KCTD1: variants seen among roughly 807,000 people sequenced by gnomAD.
KCTD1 encodes the protein BTB/POZ domain-containing protein KCTD1.
A neutral mutation model predicts 66.0 loss-of-function variants in KCTD1; 24 were observed. The ratio of observed to expected loss-of-function variants is 0.36; its 90% CI spans 0.26 to 0.51. KCTD1 has a LOEUF of 0.51. Ranked by LOEUF, KCTD1 falls within the 20% of genes least tolerant of loss-of-function variation. KCTD1 has a pLI of 0.95. For synonymous variants in KCTD1, 511 were observed against 517.2 expected (o/e 0.99, Z 0.16); for missense variants, 943 against 1,205.2 (o/e 0.78, Z 3.22).
At chr18:26,549,710 A>G (rs570230302), upstream of KCTD1, 1 of 985,186 alleles carries the variant, frequency 1.0e-6, no homozygotes, top group Non-Finnish European at 1.2e-6. Context: ...GGCAATTCGG[A>G]TCCGGAGCGC....
upstream of KCTD1, chr18:26,548,755 A>C: frequency 1.8e-6 from 2 of 1,107,008 alleles, no homozygotes; most frequent in Non-Finnish European, 2.2e-6. Context: ...TAGACCGGAG[A>C]GATAGGGTAA....
chr18:26,476,547 T>C lies in KCTD1; in HGVS notation c.2101A>G (p.Thr701Ala), dbSNP rs763827498. The C allele has an allele frequency of 6.2e-7, 1 of 1,613,502 alleles. No individual in the cohort carries two copies. The highest frequency in any genetic ancestry group is 2.2e-5 in the East Asian group (1 of 44,864). Residue 701 changes from threonine to alanine, a missense_variant, in exon 3 of 5, where the codon ACA becomes GCA. Thr to Ala is a moderately conservative substitution (Grantham distance 58). Around this residue, in one of 10 missense-constraint regions of KCTD1, gnomAD observed 162 missense variants for 232.4 expected, o/e 0.70. Transcript: ENST00000580059. The surrounding 1 kb of genome is among the most constrained non-coding windows in gnomAD (Gnocchi z 4.9). ...MFRYILNFLRTSKLLIPDDFK... is the reference protein window; with the variant it reads ...MFRYILNFLRASKLLIPDDFK... ...TCATCAGGAATGAGGAGTTTGGATGTTCGTAGAAAATTCAAGATATATCTG... is the reference window on the plus strand; with the variant it reads ...TCATCAGGAATGAGGAGTTTGGATGCTCGTAGAAAATTCAAGATATATCTG...
chr18:26,539,249 C>T (rs1237923286), intron 1 of KCTD1, among the ~76,000 whole-genome samples: 2 of 152,226 alleles, frequency 1.3e-5, no homozygotes, highest in Admixed American at 1.3e-4. Context: ...TGACCCTTAG[C>T]TTGCTTCCTC....
intron 1 of KCTD1, among the ~76,000 whole-genome samples, chr18:26,654,698 C>T (rs1366865054): frequency 3.3e-5 from 5 of 152,198 alleles, no homozygotes; most frequent in African/African-American, 1.2e-4. Context: ...GGCTGTGTGA[C>T]ATTTTTGCCT....
intron 1 of KCTD1, among the ~76,000 whole-genome samples, chr18:26,590,969 C>A (rs1986587812): frequency 6.6e-6 from 1 of 152,088 alleles, no homozygotes. Flanking sequence ...ATGCTTATTA[C>A]TTATTATATA....
chr18:26,525,569 T>C (rs1208245753), intron 1 of KCTD1, among the ~76,000 whole-genome samples: 2 of 152,230 alleles, frequency 1.3e-5, no homozygotes, highest in African/African-American at 4.8e-5. Context: ...TGCTCTCCTA[T>C]GGTCAGCCTC....
At chr18:26,605,544 TC>T (rs1333471179) in intron 1 of KCTD1, among the ~76,000 whole-genome samples, 1 of 152,060 alleles carries the variant, frequency 6.6e-6, no homozygotes, top group Non-Finnish European at 1.5e-5. Flanking sequence ...TCCAATTGCC[TC>T]CAGAAAAAAT....
intron 1 of KCTD1, among the ~76,000 whole-genome samples, chr18:26,560,333 C>A (rs1396098012): frequency 6.6e-6 from 1 of 152,160 alleles, no homozygotes; most frequent in Non-Finnish European, 1.5e-5. Context: ...GTGAGCCCCC[C>A]AAGAGCCCCT....
intron 1 of KCTD1, among the ~76,000 whole-genome samples, chr18:26,526,103 G>A (rs529155351): frequency 6.6e-6 from 1 of 152,156 alleles, no homozygotes; most frequent in South Asian, 2.1e-4. Flanking sequence ...GAGGCAGGTG[G>A]CCAGTCTTTA....
At chr18:26,621,132 C>T (rs1470957744) in intron 1 of KCTD1, among the ~76,000 whole-genome samples, 5 of 152,152 alleles carry the variant, frequency 3.3e-5, no homozygotes, top group African/African-American at 1.2e-4. Context: ...CGTGCACGGC[C>T]GAAAAGAATT....
chr18:26,644,805 G>A (rs1987902241), upstream of KCTD1, among the ~76,000 whole-genome samples: 1 of 151,904 alleles, frequency 6.6e-6, no homozygotes, highest in Admixed American at 6.6e-5. Context: ...AGCAGGGAAG[G>A]GACTGCAGAC....
chr18:26,521,134 C>T (rs1983890934), intron 1 of KCTD1, among the ~76,000 whole-genome samples: 1 of 152,206 alleles, frequency 6.6e-6, no homozygotes, highest in Admixed American at 6.5e-5. Context: ...ATGGGGGGAA[C>T]CTCAGGGCCC....
Position 26,547,603 on chromosome 18 carries a change from A to C in KCTD1, c.934T>G (p.Phe312Val), listed in dbSNP as rs1985313578. 2 of 1,551,442 alleles carry C rather than the reference A, an allele frequency of 1.3e-6. No homozygotes were observed. Among genetic ancestry groups the C allele is most frequent in the Non-Finnish European group, 1.7e-6 (2 of 1,146,830 alleles). The change falls in exon 1 of 5, where the codon TTC becomes GTC. Residue 312 changes from phenylalanine to valine, a missense_variant. Phe to Val is a conservative substitution (Grantham distance 50, BLOSUM62 -1). Coordinates refer to ENST00000580059, the MANE Select transcript of KCTD1 (RefSeq NM_001142730.3). ...TPFGLLNKVW[F>V]ETCMYFCTRG... ...GTACAGAAGTACATGCACGTCTCGA[A>C]CCAGACCTTGTTGAGCAGCCCGAAG...
upstream of KCTD1, among the ~76,000 whole-genome samples, chr18:26,642,841 A>G (rs1261811309): frequency 2.7e-5 from 4 of 149,314 alleles, no homozygotes; most frequent in Admixed American, 6.7e-5. Flanking sequence ...AAATGAACAC[A>G]CTAGAAGGAA....
At chr18:26,483,502 C>G (rs998693238) in intron 2 of KCTD1, among the ~76,000 whole-genome samples, 2 of 152,026 alleles carry the variant, frequency 1.3e-5, no homozygotes, top group Non-Finnish European at 2.9e-5. Flanking sequence ...CTCTTGACCT[C>G]AGGTAACCTG....
intron 2 of KCTD1, among the ~76,000 whole-genome samples, chr18:26,499,650 C>T (rs751527056): frequency 2.4e-4 from 36 of 152,264 alleles, no homozygotes; most frequent in Admixed American, 1.1e-3. Flanking sequence ...AACAAAAAGT[C>T]GGCCTTCATG....
chr18:26,496,166 T>C (rs1289304107), intron 2 of KCTD1, among the ~76,000 whole-genome samples: 1 of 152,180 alleles, frequency 6.6e-6, no homozygotes, highest in African/African-American at 2.4e-5. Flanking sequence ...GATTTTTGAC[T>C]AAGATATAAT....
intron 1 of KCTD1, among the ~76,000 whole-genome samples, chr18:26,533,827 TAA>T (rs143763803): frequency 0.65 from 84,706 of 130,170 alleles, 27,232 homozygotes; most frequent in East Asian, 0.81. Flanking sequence ...AGCTATTATT[TAA>T]AAAAAAAAAA....
At chr18:26,524,760 CAG>C (rs1463438032) in intron 1 of KCTD1, among the ~76,000 whole-genome samples, 1 of 151,942 alleles carries the variant, frequency 6.6e-6, no homozygotes, top group Non-Finnish European at 1.5e-5. Flanking sequence ...GATTGGCAGT[CAG>C]AAATAGGAGG....
Sources: allele counts gnomAD v4.1 joint callset (sites outside exome capture counted in the v4.1 genomes callset), GRCh38; gene constraint gnomAD v4.1.1; regional missense constraint gnomAD v4.1.1; non-coding constraint Gnocchi (gnomAD v3.1); transcripts MANE v1.5; gene names NCBI Gene and HGNC (gene_info 2026-07-23, HGNC 2026-07-21).